Variants in PTPRM observed in about 807,000 individuals in gnomAD.
The protein encoded by PTPRM is receptor-type tyrosine-protein phosphatase mu.
A neutral mutation model predicts 186.7 loss-of-function variants in PTPRM; 47 were observed. The ratio of observed to expected loss-of-function variants is 0.25; its 90% CI spans 0.20 to 0.32. The LOEUF is 0.32. Among genes scored for constraint, PTPRM ranks in the 10% least tolerant of loss-of-function variants. PTPRM has a pLI of 1.00. For missense variants in PTPRM, 1,494 were observed against 1,865.0 expected (o/e 0.80, Z 3.66); for synonymous variants, 668 against 674.9 (o/e 0.99, Z 0.16).
At chr18:8,052,526 G>A (rs1027022065) in intron 7 of PTPRM, among the ~76,000 whole-genome samples, 3 of 152,172 alleles carry the variant, frequency 2.0e-5, no homozygotes, top group African/African-American at 7.2e-5. Flanking sequence ...CCTGGGTGTG[G>A]AGTAGGCTCT....
At chr18:8,187,573 C>T (rs532839679) in intron 14 of PTPRM, among the ~76,000 whole-genome samples, 2 of 152,150 alleles carry the variant, frequency 1.3e-5, no homozygotes, top group Non-Finnish European at 2.9e-5. Flanking sequence ...TCAAAGTGCT[C>T]TCTGGTAACA....
chr18:7,960,357 G>A (rs1230130487), intron 7 of PTPRM, among the ~76,000 whole-genome samples: 1 of 151,368 alleles, frequency 6.6e-6, no homozygotes, highest in Non-Finnish European at 1.5e-5. Context: ...TATTTGCCGG[G>A]CACTATTCCA....
Position 8,248,424 on chromosome 18 carries a change from C to T in PTPRM, c.2554+248C>T, listed in dbSNP as rs2094497852. 5 of 567,000 alleles carry T rather than the reference C, an allele frequency of 8.8e-6. No individual in the cohort carries two copies. The South Asian group carries it at 9.6e-5, about 11-fold the overall frequency. The allele number at this position is 567,000 out of a possible 1,614,324, so 35.1% of individuals were successfully genotyped here. A position where few individuals can be genotyped will look rare whatever the true frequency, so the allele number is the denominator to read the frequency against. ...ACCAACAGGTTCAAATGAACAATCT[C>T]AGCCCCAATATTCTCCCTTTCTGTG... On this transcript the variant is annotated intron_variant, in intron 17 of 32. Coordinates refer to ENST00000580170, the MANE Select transcript of PTPRM (RefSeq NM_001105244.2).
intron 27 of PTPRM, 142 bp from the exon 28 acceptor site, chr18:8,379,025 G>A (rs1489767686): frequency 6.5e-6 from 4 of 611,406 alleles, no homozygotes; most frequent in Non-Finnish European, 7.8e-6. Context: ...AAGAAAACTC[G>A]AACTATGGTG....
intron 4 of PTPRM, among the ~76,000 whole-genome samples, chr18:7,908,545 T>G (rs537933854): frequency 1.3e-5 from 2 of 152,330 alleles, no homozygotes; most frequent in South Asian, 4.1e-4. Flanking sequence ...TTTAATTCCA[T>G]CTAAAGGGGT....
At chr18:7,798,662 C>T (rs2043797105) in intron 2 of PTPRM, among the ~76,000 whole-genome samples, 1 of 151,922 alleles carries the variant, frequency 6.6e-6, no homozygotes, top group Admixed American at 6.6e-5. Flanking sequence ...TTCTTTAGAC[C>T]ATATTTTTGT....
chr18:7,960,480 T>TATATATATATATATATATATATACAC (rs1300573371), intron 7 of PTPRM, among the ~76,000 whole-genome samples: 1 of 86,598 alleles, frequency 1.2e-5, no homozygotes, highest in African/African-American at 4.4e-5. Context: ...TATATATATA[T>TATATATATATATATATATATATACAC]ACACACACAC....
chr18:8,313,870 G>T (rs1176149520), intron 20 of PTPRM, among the ~76,000 whole-genome samples: 1 of 151,992 alleles, frequency 6.6e-6, no homozygotes, highest in Non-Finnish European at 1.5e-5. Flanking sequence ...ATGGATTTGG[G>T]GCCAGGTGCT....
chr18:8,083,832 A>G (rs1428057412), intron 9 of PTPRM, among the ~76,000 whole-genome samples: 1 of 152,156 alleles, frequency 6.6e-6, no homozygotes, highest in Non-Finnish European at 1.5e-5. Context: ...GAAAAGCCCC[A>G]TTAGTGTTTG....
chr18:7,793,883 CATT>C (rs770766572), intron 2 of PTPRM, among the ~76,000 whole-genome samples: 1 of 152,016 alleles, frequency 6.6e-6, no homozygotes, highest in Non-Finnish European at 1.5e-5. Flanking sequence ...GAGGGGAAAA[CATT>C]AGTGGAGGAA....
rs747648655 is a variant in PTPRM at position 8,240,777 on chromosome 18, G to GGAGAGA, written c.2301-3236_2301-3231dup. On this transcript the variant is annotated intron_variant, in intron 14 of 32. Coordinates refer to ENST00000580170, the MANE Select transcript of PTPRM (RefSeq NM_001105244.2). The stretch of plus-strand genomic sequence containing the variant: ...GCGAGGGAGGGAGGGAGAGAGAGAG[G>GGAGAGA]GAGAGAGAGAGAGAGAGAGAGAGAG... 1.8e-3 allele frequency among the ~76,000 whole-genome samples: 106 copies of GGAGAGA among 57,312 alleles called. 2 individuals are homozygous for GGAGAGA. Among genetic ancestry groups the GGAGAGA allele is most frequent in the Admixed American group, 0.011 (61 of 5,342 alleles). 37.6% of individuals were successfully genotyped at this position (57,312 alleles called of 152,430 possible). A position where few individuals can be genotyped will look rare whatever the true frequency, so the allele number is the denominator to read the frequency against.
chr18:7,808,004 C>T (rs1476235684), intron 2 of PTPRM, among the ~76,000 whole-genome samples: 1 of 152,132 alleles, frequency 6.6e-6, no homozygotes. Flanking sequence ...ATCTTTCCTG[C>T]TGTCCAAGGA....
At chr18:7,852,295 A>G (rs916656302) in intron 2 of PTPRM, among the ~76,000 whole-genome samples, 4 of 152,218 alleles carry the variant, frequency 2.6e-5, no homozygotes, top group Non-Finnish European at 5.9e-5. Context: ...AGGTTATATC[A>G]GCTGGGCATG....
At chr18:8,243,264 C>G (rs145925918) in intron 14 of PTPRM, among the ~76,000 whole-genome samples, 104 of 152,166 alleles carry the variant, frequency 6.8e-4, no homozygotes, top group African/African-American at 2.5e-3. Context: ...TTAGAAATCT[C>G]TCTGCTTTTT....
intron 14 of PTPRM, 152 bp downstream of exon 14, chr18:8,143,931 T>C (rs2092821340): frequency 9.6e-7 from 1 of 1,042,896 alleles, no homozygotes; most frequent in Non-Finnish European, 1.4e-6. Context: ...TCATGTGGCA[T>C]GGAAGGTTAT....
At chr18:8,069,447 C>T (rs934641744) in intron 7 of PTPRM, among the ~76,000 whole-genome samples, 3 of 152,228 alleles carry the variant, frequency 2.0e-5, no homozygotes, top group Non-Finnish European at 4.4e-5. Context: ...GACATTTCAT[C>T]TTATATGCCA....
At chr18:8,322,567 A>T (rs1419121464) in intron 22 of PTPRM, among the ~76,000 whole-genome samples, 1 of 152,208 alleles carries the variant, frequency 6.6e-6, no homozygotes, top group Non-Finnish European at 1.5e-5. Context: ...AGTCATGTCC[A>T]CTACTGCATG....
intron 3 of PTPRM, among the ~76,000 whole-genome samples, chr18:7,889,762 C>T (rs1043981287): frequency 2.6e-5 from 4 of 152,278 alleles, no homozygotes; most frequent in Admixed American, 1.3e-4. Context: ...CCTGTGGAGA[C>T]GAGCCAGTGA....
chr18:7,633,029 G>C (rs1229402454), intron 1 of PTPRM, among the ~76,000 whole-genome samples: 1 of 152,148 alleles, frequency 6.6e-6, no homozygotes. Context: ...CAGCAGTGTT[G>C]AGACAGCATA....
Sources: allele counts gnomAD v4.1 joint callset (sites outside exome capture counted in the v4.1 genomes callset), GRCh38; gene constraint gnomAD v4.1.1; transcripts MANE v1.5; gene names NCBI Gene and HGNC (gene_info 2026-07-23, HGNC 2026-07-21).